Variants in BRINP3 observed in about 807,000 individuals in gnomAD.
BRINP3 encodes the protein BMP/retinoic acid-inducible neural-specific protein 3.
Under a neutral mutation model 71.0 loss-of-function variants are expected in BRINP3, and 19 were observed. That is an observed-to-expected ratio of 0.27 (90% CI 0.19 to 0.39). BRINP3 has a LOEUF of 0.39. BRINP3 is among the 10% of genes least tolerant of loss of function. The pLI, the probability that BRINP3 is intolerant of heterozygous loss-of-function variation, is 1.00. For missense variants in BRINP3, 959 were observed against 940.8 expected (o/e 1.02, Z -0.25); for synonymous variants, 380 against 337.7 (o/e 1.13, Z -1.37).
chr1:190,313,970 T>C (rs2103032147), intron 2 of BRINP3, among the ~76,000 whole-genome samples: 1 of 152,124 alleles, frequency 6.6e-6, no homozygotes, highest in South Asian at 2.1e-4. Context: ...ATACATCAAA[T>C]GCAATTCAAC....
intron 1 of BRINP3, among the ~76,000 whole-genome samples, chr1:190,467,890 T>G (rs1024523041): frequency 1.3e-5 from 2 of 151,466 alleles, no homozygotes; most frequent in Admixed American, 1.3e-4. Flanking sequence ...CACTCAAATT[T>G]TGAAAAGAAA....
intron 2 of BRINP3, among the ~76,000 whole-genome samples, chr1:190,326,579 G>A (rs375311215): frequency 3.9e-5 from 6 of 151,966 alleles, no homozygotes; most frequent in South Asian, 2.1e-4. Context: ...TAAAGGGAAC[G>A]CTGTTAGGCT....
chr1:190,389,963 C>A (rs894953626), intron 2 of BRINP3, among the ~76,000 whole-genome samples: 2 of 151,772 alleles, frequency 1.3e-5, no homozygotes, highest in African/African-American at 4.8e-5. Flanking sequence ...TCAAAAGAAT[C>A]TTCTCTTGTT....
At position 190,476,225 on chromosome 1, in the gene BRINP3, G is replaced by T. The variant is rs1677491411; in HGVS notation, c.-51+1223C>A. On this transcript the variant is annotated intron_variant, in intron 1 of 7. Transcript: ENST00000367462. ...GGTTGTCGCGTCAGCCATCAATGAC[G>T]ACAAGAATAGTTATTTCCCAGAAAT... Among the ~76,000 whole-genome samples the T allele has an allele frequency of 2.9e-5, 4 of 139,492 alleles. No individual in the cohort carries two copies. In the South Asian group the frequency reaches 9.2e-4, roughly 32 times the overall value. The allele number at this position is 139,492 out of a possible 152,430, so 91.5% of individuals were successfully genotyped here.
intron 2 of BRINP3, among the ~76,000 whole-genome samples, chr1:190,384,867 A>G (rs1008775106): frequency 6.6e-6 from 1 of 152,006 alleles, no homozygotes; most frequent in African/African-American, 2.4e-5. Context: ...AAATTAGATG[A>G]TAGAATATTG....
chr1:190,278,568 C>G (rs1377713983), intron 3 of BRINP3, among the ~76,000 whole-genome samples: 1 of 151,554 alleles, frequency 6.6e-6, no homozygotes, highest in African/African-American at 2.4e-5. Flanking sequence ...TAATTTCATG[C>G]ATCTTAACTG....
chr1:190,133,733 A>G (rs1191394648), intron 7 of BRINP3, among the ~76,000 whole-genome samples: 1 of 152,132 alleles, frequency 6.6e-6, no homozygotes, highest in Non-Finnish European at 1.5e-5. Flanking sequence ...ACAATAGTAC[A>G]TCCATATTTA....
chr1:190,218,153 A>T (rs2102675002), intron 6 of BRINP3, among the ~76,000 whole-genome samples: 1 of 151,944 alleles, frequency 6.6e-6, no homozygotes. Flanking sequence ...ATAAAGAAAT[A>T]ATACATTTTT....
chr1:190,216,767 C>A (rs932199147), intron 6 of BRINP3, among the ~76,000 whole-genome samples: 1 of 149,346 alleles, frequency 6.7e-6, no homozygotes, highest in East Asian at 2.0e-4. Context: ...ATGCAAATTA[C>A]TTCCTTCTTT....
At chr1:190,423,750 C>A (rs1045746329) in intron 2 of BRINP3, among the ~76,000 whole-genome samples, 1 of 151,674 alleles carries the variant, frequency 6.6e-6, no homozygotes, top group Admixed American at 6.6e-5. Flanking sequence ...CCACCCCCTA[C>A]CCTAAACTAT....
At chr1:190,267,890 TAA>T (rs1187244664) in intron 3 of BRINP3, among the ~76,000 whole-genome samples, 1 of 152,010 alleles carries the variant, frequency 6.6e-6, no homozygotes, top group Non-Finnish European at 1.5e-5. Flanking sequence ...AGTTTAAATA[TAA>T]AAAAATTGAT....
intron 6 of BRINP3, among the ~76,000 whole-genome samples, chr1:190,216,041 A>G (rs1299541537): frequency 6.6e-6 from 1 of 151,352 alleles, no homozygotes; most frequent in African/African-American, 2.4e-5. Flanking sequence ...ACTGGGGATA[A>G]CTCAGAAAGT....
chr1:190,409,752 G>T (rs533639660), intron 2 of BRINP3, among the ~76,000 whole-genome samples: 96 of 152,162 alleles, frequency 6.3e-4, no homozygotes, highest in Non-Finnish European at 1.2e-3. Context: ...ACCATAAGAA[G>T]AACTGAAGAA....
At chr1:190,140,340 TAAG>T (rs1013152081) in intron 7 of BRINP3, among the ~76,000 whole-genome samples, 2 of 152,086 alleles carry the variant, frequency 1.3e-5, no homozygotes, top group African/African-American at 2.4e-5. Context: ...CATAGAAAGA[TAAG>T]AAGATGCAAA....
chr1:190,149,108 T>C (rs554802338), intron 7 of BRINP3, among the ~76,000 whole-genome samples: 20 of 152,300 alleles, frequency 1.3e-4, no homozygotes, highest in Non-Finnish European at 1.8e-4. Context: ...AAGTTAAAAA[T>C]GAAAAATGGT....
Position 190,406,255 on chromosome 1 carries a change from A to T in BRINP3, c.236+48400T>A, listed in dbSNP as rs1672273533. Among the ~76,000 whole-genome samples the T allele has an allele frequency of 2.0e-5, 3 of 152,218 alleles. No homozygotes were observed. The South Asian group carries it at 6.2e-4, about 31-fold the overall frequency. ...TTTGTGCTACTAATTCTTAGACACA[A>T]TACTCCACTGGCTACTTTCAGTCAT... On this transcript the variant is annotated intron_variant, in intron 2 of 7. Coordinates refer to ENST00000367462, the MANE Select transcript of BRINP3 (RefSeq NM_199051.3).
At position 190,300,559 on chromosome 1, in the gene BRINP3, C is replaced by T. The variant is rs561532110; in HGVS notation, c.237-18809G>A. Among the ~76,000 whole-genome samples, 17 of 152,218 alleles carry T rather than the reference C, an allele frequency of 1.1e-4. No individual in the cohort carries two copies. In the South Asian group the frequency reaches 3.5e-3, roughly 32 times the overall value. ...AGATTTGAAGAGAGCAGTGGTTCTC[C>T]CAGCACGCAGCTGGAGATCTGAGAA... On this transcript the variant is annotated intron_variant, in intron 2 of 7. Transcript: ENST00000367462.
Position 190,454,701 on chromosome 1 carries a change from C to A in BRINP3, c.190G>T (p.Val64Leu), listed in dbSNP as rs776610915. ...CTAAATCCCTGCCGGCTTCTGTCCACAAAATCTGTGTATTCCTGTGAGCGA... is the reference window on the plus strand; with the variant it reads ...CTAAATCCCTGCCGGCTTCTGTCCAAAAAATCTGTGTATTCCTGTGAGCGA... ...FHRSQEYTDF[V>L]DRSRQGFSTR... Residue 64 changes from valine (V) to leucine (L), a missense_variant, in exon 2 of 8, where the codon GTG (valine) becomes TTG (leucine). Physicochemically the swap from Val to Leu is conservative, Grantham distance 32. Transcript: ENST00000367462. The A allele has an allele frequency of 3.7e-6, 6 of 1,614,006 alleles. No individual in the cohort carries two copies. Among genetic ancestry groups the A allele is most frequent in the Admixed American group, 1.7e-5 (1 of 59,996 alleles).
At chr1:190,138,182 G>A (rs549441841) in intron 7 of BRINP3, among the ~76,000 whole-genome samples, 83 of 152,084 alleles carry the variant, frequency 5.5e-4, no homozygotes, top group Non-Finnish European at 1.0e-3. Context: ...TTGAACTCCC[G>A]ACCTCAGGTG....
Sources: gnomAD v4.1 joint callset for allele counts (sites outside exome capture counted in the v4.1 genomes callset) on GRCh38, gnomAD v4.1.1 for gene constraint, MANE v1.5 for transcripts, NCBI Gene and HGNC (gene_info 2026-07-23, HGNC 2026-07-21) for gene names.